Variants in KCNQ1 observed in about 807,000 individuals in gnomAD.
KCNQ1 encodes potassium voltage-gated channel subfamily Q member 1.
A neutral mutation model predicts 72.4 loss-of-function variants in KCNQ1; 49 were observed. The ratio of observed to expected loss-of-function variants is 0.68; its 90% CI spans 0.54 to 0.86. The LOEUF is 0.86. Among genes scored for constraint, KCNQ1 ranks in the 40% least tolerant of loss-of-function variants. The pLI, the probability that KCNQ1 is intolerant of heterozygous loss-of-function variation, is 0.00. For missense variants in KCNQ1, 790 were observed against 945.1 expected (o/e 0.84, Z 2.15); for synonymous variants, 450 against 412.6 (o/e 1.09, Z -1.10).
chr11:2,450,312 A>G lies in KCNQ1; in HGVS notation c.386+4828A>G, dbSNP rs2023818. Reference sequence around the variant, plus strand: ...AGCTGAGAGACAGCAGATGCCCAAGACGAGTTGCTGGTGTGTGGCCAGTGC... The same window carrying G: ...AGCTGAGAGACAGCAGATGCCCAAGGCGAGTTGCTGGTGTGTGGCCAGTGC... On this transcript the variant is annotated intron_variant, in intron 1 of 15. Coordinates refer to ENST00000155840, the MANE Select transcript of KCNQ1 (RefSeq NM_000218.3). This position sits in a 1 kb window ranked among gnomAD's most constrained non-coding sequence, Gnocchi z 7.9. Among the ~76,000 whole-genome samples the G allele has an allele frequency of 0.29, 43,441 of 152,058 alleles. 8,729 individuals carry two copies. Among genetic ancestry groups the G allele is most frequent in the African/African-American group, 0.55 (22,827 of 41,478 alleles).
At chr11:2,736,206 C>G (rs1312167310) in intron 11 of KCNQ1, among the ~76,000 whole-genome samples, 1 of 152,226 alleles carries the variant, frequency 6.6e-6, no homozygotes, top group Non-Finnish European at 1.5e-5. Context: ...CTGAAGGAAG[C>G]CTTTCCTAAC....
rs1393989562 is a variant in KCNQ1 at position 2,713,026 on chromosome 11, G to A, written c.1514+50945G>A. On this transcript the variant is annotated intron_variant, in intron 11 of 15. Transcript: ENST00000155840. The surrounding 1 kb of genome is among the most constrained non-coding windows in gnomAD (Gnocchi z 5.6). Reference sequence around the variant, plus strand: ...TGGTAAGTATGAGGAACCACCCCTTGGCATGGGGCACCCAGAAGGCAGCAG... The same window carrying A: ...TGGTAAGTATGAGGAACCACCCCTTAGCATGGGGCACCCAGAAGGCAGCAG... 6.6e-6 allele frequency among the ~76,000 whole-genome samples: 1 copy of A among 152,180 alleles called. No homozygotes were observed. The highest frequency in any genetic ancestry group is 1.5e-5 in the Non-Finnish European group (1 of 68,034).
intron 11 of KCNQ1, chr11:2,696,781 T>C (rs74984745): frequency 0.014 from 5,759 of 398,636 alleles, 204 homozygotes; most frequent in East Asian, 0.096. Context: ...TCTTTGTTAA[T>C]TCCTAGACTG....
In KCNQ1 at chr11:2,768,793, T is replaced by G. The variant is rs780215194; in HGVS notation, c.1515-51T>G. 1 of 1,419,506 alleles carries G rather than the reference T, an allele frequency of 7.0e-7. No homozygotes were observed. The highest frequency in any genetic ancestry group is 1.7e-5 in the Admixed American group (1 of 59,734). 87.9% of individuals were successfully genotyped at this position (1,419,506 alleles called of 1,614,324 possible). ...AGGCAGTGCAGGGGCAGTGAGGGGATGACCAGCACAGGGTGGCCACTCACA... is the reference window on the plus strand; with the variant it reads ...AGGCAGTGCAGGGGCAGTGAGGGGAGGACCAGCACAGGGTGGCCACTCACA... On this transcript the variant is annotated intron_variant, in intron 11 of 15. Coordinates refer to ENST00000155840, the MANE Select transcript of KCNQ1 (RefSeq NM_000218.3). The surrounding 1 kb of genome is among the most constrained non-coding windows in gnomAD (Gnocchi z 6.7).
intron 10 of KCNQ1, chr11:2,634,711 G>A (rs1184591375): frequency 6.6e-6 from 1 of 152,184 alleles, no homozygotes; most frequent in Non-Finnish European, 1.5e-5. Context: ...GGGATGGCTG[G>A]ATCAAATGGT....
At chr11:2,840,005 ACAATGCAGGGTTGGGG>A (rs1202923262) in intron 15 of KCNQ1, 2 of 152,222 alleles carry the variant, frequency 1.3e-5, no homozygotes, top group Non-Finnish European at 2.9e-5. Flanking sequence ...CGACCCTTGA[ACAATGCAGGGTTGGGG>A]CACCGACCCC....
Position 2,617,348 on chromosome 11 carries a change from CTTAT to C in KCNQ1, c.1393+28498_1393+28501del. 1 of 398,276 alleles carries C rather than the reference CTTAT, an allele frequency of 2.5e-6. No homozygotes were observed. Among genetic ancestry groups the C allele is most frequent in the Non-Finnish European group, 4.4e-6 (1 of 225,888 alleles). 24.7% of individuals were successfully genotyped at this position (398,276 alleles called of 1,614,324 possible). ...TTTAAAACTTTTCATTTGTATATGGCTTATTTAACTTAGCACAATGTCTTCCAGT... is the reference window on the plus strand; with the variant it reads ...TTTAAAACTTTTCATTTGTATATGGCTTAACTTAGCACAATGTCTTCCAGT... On this transcript the variant is annotated intron_variant, in intron 10 of 15. Transcript: ENST00000155840. This position sits in a 1 kb window ranked among gnomAD's most constrained non-coding sequence, Gnocchi z 4.6.
In KCNQ1 at chr11:2,530,635, G is replaced by C. The variant is rs113854066; in HGVS notation, c.477+2617G>C. On this transcript the variant is annotated intron_variant, in intron 2 of 15. Transcript: ENST00000155840. ...GTGTGCATCTGTATCTGAGTATTAT[G>C]TAAGTGTGCATACACATGAGCACGT... Among the ~76,000 whole-genome samples, 807 of 152,332 alleles carry C rather than the reference G, an allele frequency of 5.3e-3. 9 individuals are homozygous for C. Among genetic ancestry groups the C allele is most frequent in the African/African-American group, 0.018 (765 of 41,570 alleles).
At position 2,659,953 on chromosome 11, in the gene KCNQ1, T is replaced by C. The variant is rs562016485; in HGVS notation, c.1394-2008T>C. ...TTCTGAGTGCAAGTCCTTGACCTGA[T>C]AGGTGATATGCAAATATTCTTTCCA... On this transcript the variant is annotated intron_variant, in intron 10 of 15. Coordinates refer to ENST00000155840, the MANE Select transcript of KCNQ1 (RefSeq NM_000218.3). The surrounding 1 kb of genome is among the most constrained non-coding windows in gnomAD (Gnocchi z 4.3). 5.0e-6 allele frequency: 2 copies of C among 398,472 alleles called. No individual in the cohort carries two copies. Among genetic ancestry groups the C allele is most frequent in the South Asian group, 1.3e-4 (1 of 7,858 alleles). 24.7% of individuals were successfully genotyped at this position (398,472 alleles called of 1,614,324 possible). A position where few individuals can be genotyped will look rare whatever the true frequency, so the allele number is the denominator to read the frequency against.
rs142026308 is a variant in KCNQ1, at chr11:2,774,644, G to C, written c.1591-1316G>C. Among the ~76,000 whole-genome samples the C allele has an allele frequency of 8.0e-3, 1,220 of 152,310 alleles. 8 individuals are homozygous for C. Among genetic ancestry groups the C allele is most frequent in the Non-Finnish European group, 0.013 (862 of 68,022 alleles). On this transcript the variant is annotated intron_variant, in intron 12 of 15. Coordinates refer to ENST00000155840, the MANE Select transcript of KCNQ1 (RefSeq NM_000218.3). Reference sequence around the variant, plus strand: ...CTCCACCAAGCCTCCGGCATTGGTGGCAGAACCCCTGGGCATGTCAGAAGT... The same window carrying C: ...CTCCACCAAGCCTCCGGCATTGGTGCCAGAACCCCTGGGCATGTCAGAAGT...
rs1246715845 is a variant in KCNQ1 at position 2,669,569 on chromosome 11, TG to T, written c.1514+7491del. ...GTCTGTCAGGGAGCCCTGGCCAGCT[TG>T]GGTCATTTCATCCTGCCCACAGGAC... is the stretch of plus-strand genomic sequence containing the variant. On this transcript the variant is annotated intron_variant, in intron 11 of 15. Coordinates refer to ENST00000155840, the MANE Select transcript of KCNQ1 (RefSeq NM_000218.3). This position sits in a 1 kb window ranked among gnomAD's most constrained non-coding sequence, Gnocchi z 5.6. The T allele has an allele frequency of 2.5e-6, 1 of 398,488 alleles. No individual in the cohort carries two copies. Among genetic ancestry groups the T allele is most frequent in the African/African-American group, 2.1e-5 (1 of 48,620 alleles). 24.7% of individuals were successfully genotyped at this position (398,488 alleles called of 1,614,324 possible). A position where few individuals can be genotyped will look rare whatever the true frequency, so the allele number is the denominator to read the frequency against.
chr11:2,708,743 G>A (rs1850954564), intron 11 of KCNQ1, among the ~76,000 whole-genome samples: 1 of 152,100 alleles, frequency 6.6e-6, no homozygotes, highest in African/African-American at 2.4e-5. Context: ...CCATCTCCCT[G>A]TTCTCTCCCC....
In KCNQ1 at chr11:2,600,460, C is replaced by T. The variant is rs1419418339; in HGVS notation, c.1393+11606C>T. Among the ~76,000 whole-genome samples, 1 of 152,194 alleles carries T rather than the reference C, an allele frequency of 6.6e-6. No individual in the cohort carries two copies. The highest frequency in any genetic ancestry group is 1.5e-5 in the Non-Finnish European group (1 of 68,036). On this transcript the variant is annotated intron_variant, in intron 10 of 15. Coordinates refer to ENST00000155840, the MANE Select transcript of KCNQ1 (RefSeq NM_000218.3). This position sits in a 1 kb window ranked among gnomAD's most constrained non-coding sequence, Gnocchi z 5.6. ...CCACATTTGCTTTATCATTTGAACC[C>T]CTTTCTCTACATTATATTCACATAA... is the stretch of plus-strand genomic sequence containing the variant.
intron 1 of KCNQ1, among the ~76,000 whole-genome samples, chr11:2,467,151 G>C (rs1333095511): frequency 1.3e-5 from 2 of 152,154 alleles, no homozygotes; most frequent in Non-Finnish European, 1.5e-5. Context: ...CCGAGGGCCT[G>C]GGCCTCCCTG....
intron 10 of KCNQ1, chr11:2,630,120 A>G (rs903506964): frequency 4.5e-5 from 18 of 398,164 alleles, no homozygotes; most frequent in African/African-American, 2.3e-4. Context: ...CATAGTTTTT[A>G]TCATGGAAGG....
At chr11:2,793,324 A>G (rs2134011815) in intron 15 of KCNQ1, among the ~76,000 whole-genome samples, 1 of 152,298 alleles carries the variant, frequency 6.6e-6, no homozygotes, top group South Asian at 2.1e-4. Context: ...ACCCAGGAAT[A>G]TCCTCAAAAC....
chr11:2,827,571 GTC>G lies in KCNQ1; in HGVS notation c.1795-20192_1795-20191del, dbSNP rs1564908032. 7.2e-6 allele frequency among the ~76,000 whole-genome samples: 1 copy of G among 139,412 alleles called. No homozygotes were observed. The highest frequency in any genetic ancestry group is 2.7e-5 in the African/African-American group (1 of 37,346). The allele number at this position is 139,412 out of a possible 152,430, so 91.5% of individuals were successfully genotyped here. A position where few individuals can be genotyped will look rare whatever the true frequency, so the allele number is the denominator to read the frequency against. ...CGCTGCAAGGGCCCCTGGGGACGGA[GTC>G]TCTATTCCAGGCAGGCAAACACTCA... On this transcript the variant is annotated intron_variant, in intron 15 of 15. Coordinates refer to ENST00000155840, the MANE Select transcript of KCNQ1 (RefSeq NM_000218.3). This position sits in a 1 kb window ranked among gnomAD's most constrained non-coding sequence, Gnocchi z 6.7.
chr11:2,825,607 A>G (rs1847822136), intron 15 of KCNQ1, among the ~76,000 whole-genome samples: 2 of 152,238 alleles, frequency 1.3e-5, no homozygotes, highest in South Asian at 4.1e-4. Context: ...GCTATGTACT[A>G]GACTCTGGGA....
intron 1 of KCNQ1, among the ~76,000 whole-genome samples, chr11:2,520,223 T>C (rs1397603617): frequency 6.6e-6 from 1 of 152,216 alleles, no homozygotes; most frequent in Non-Finnish European, 1.5e-5. Context: ...AGGGGGCTTC[T>C]GGGGGGCAGC....
Sources: gnomAD v4.1 joint callset for allele counts (sites outside exome capture counted in the v4.1 genomes callset) on GRCh38, gnomAD v4.1.1 for gene constraint, Gnocchi (gnomAD v3.1) non-coding constraint, MANE v1.5 for transcripts, NCBI Gene and HGNC (gene_info 2026-07-23, HGNC 2026-07-21) for gene names.